The following CRIM1 variants were observed in gnomAD, a reference collection of about 807,000 sequenced individuals.
CRIM1 encodes the protein cysteine rich transmembrane BMP regulator 1.
A neutral mutation model predicts 116.4 loss-of-function variants in CRIM1; 32 were observed. The ratio of observed to expected loss-of-function variants is 0.27; its 90% CI spans 0.21 to 0.37. The LOEUF is 0.37. Among genes scored for constraint, CRIM1 ranks in the 10% least tolerant of loss-of-function variants. The pLI is 1.00. For missense variants in CRIM1, 1,331 were observed against 1,354.8 expected (o/e 0.98, Z 0.28); for synonymous variants, 590 against 509.2 (o/e 1.16, Z -2.13).
intron 1 of CRIM1, among the ~76,000 whole-genome samples, chr2:36,359,415 A>AG (rs1669074078): frequency 6.6e-6 from 1 of 152,160 alleles, no homozygotes; most frequent in African/African-American, 2.4e-5. Flanking sequence ...CTGGCTTTGT[A>AG]GGGGAAAAAA....
Position 36,356,522 on chromosome 2 carries a change from C to T in CRIM1, c.230C>T (p.Thr77Ile), listed in dbSNP as rs767158702. 6 of 1,612,978 alleles carry T rather than the reference C, an allele frequency of 3.7e-6. No homozygotes were observed. The highest frequency in any genetic ancestry group is 1.3e-5 in the African/African-American group (1 of 75,046). The change falls in exon 1 of 17, where the codon ACC becomes ATC. Residue 77 changes from threonine (T) to isoleucine (I), a missense_variant. By Grantham distance (89) the Thr-to-Ile change is moderately conservative (BLOSUM62 -1). Around this residue, in one of 3 missense-constraint regions of CRIM1, gnomAD observed 690 missense variants for 676.0 expected, o/e 1.02. Coordinates refer to ENST00000280527, the MANE Select transcript of CRIM1 (RefSeq NM_016441.3). The surrounding 1 kb of genome is among the most constrained non-coding windows in gnomAD (Gnocchi z 4.3). The stretch of plus-strand genomic sequence containing the variant: ...CAGAGGAACGAGAGCTGCGGCGGCA[C>T]CTTCGGGATTTACGGAACCTGCGAC... ...ASQRNESCGGTFGIYGTCDRG... is the reference protein window; with the variant it reads ...ASQRNESCGGIFGIYGTCDRG...
At chr2:36,383,917 A>G (rs907396692) in intron 1 of CRIM1, among the ~76,000 whole-genome samples, 4 of 152,212 alleles carry the variant, frequency 2.6e-5, no homozygotes, top group African/African-American at 7.2e-5. Flanking sequence ...AGGCCCTACT[A>G]TGTGCTGAGC....
At chr2:36,538,950 G>C (rs968242407) in intron 14 of CRIM1, among the ~76,000 whole-genome samples, 1 of 152,144 alleles carries the variant, frequency 6.6e-6, no homozygotes, top group African/African-American at 2.4e-5. Flanking sequence ...TTTATTTCAC[G>C]AAGAGTCATT....
chr2:36,382,844 A>G (rs1335038129), intron 1 of CRIM1, among the ~76,000 whole-genome samples: 1 of 152,248 alleles, frequency 6.6e-6, no homozygotes, highest in Non-Finnish European at 1.5e-5. Context: ...GCATCTCTGT[A>G]TATTCTAATC....
intron 1 of CRIM1, among the ~76,000 whole-genome samples, chr2:36,370,545 C>G (rs1342429648): frequency 6.6e-6 from 1 of 152,100 alleles, no homozygotes; most frequent in Non-Finnish European, 1.5e-5. Flanking sequence ...TATTTACATG[C>G]TTTAATAACA....
At chr2:36,420,970 T>A (rs1388890065) in intron 2 of CRIM1, among the ~76,000 whole-genome samples, 1 of 152,202 alleles carries the variant, frequency 6.6e-6, no homozygotes, top group Non-Finnish European at 1.5e-5. Flanking sequence ...CCACTGGAGA[T>A]CTGGAAACCC....
At chr2:36,484,795 A>G (rs1050497902) in intron 7 of CRIM1, among the ~76,000 whole-genome samples, 3 of 152,190 alleles carry the variant, frequency 2.0e-5, no homozygotes, top group Non-Finnish European at 1.5e-5. Context: ...AGAACTAGGA[A>G]CAACTTAGGT....
chr2:36,527,097 A>G (rs1665808106), intron 13 of CRIM1, among the ~76,000 whole-genome samples: 1 of 151,868 alleles, frequency 6.6e-6, no homozygotes, highest in Admixed American at 6.6e-5. Flanking sequence ...TTCTTGAGTC[A>G]GTGTATCTTT....
chr2:36,437,780 C>G (rs148585589), intron 2 of CRIM1, among the ~76,000 whole-genome samples: 1 of 152,108 alleles, frequency 6.6e-6, no homozygotes, highest in Non-Finnish European at 1.5e-5. Context: ...TCTTCAGGCT[C>G]GAACTGCAAA....
At chr2:36,493,460 C>T (rs1455803267) in intron 7 of CRIM1, among the ~76,000 whole-genome samples, 1 of 152,096 alleles carries the variant, frequency 6.6e-6, no homozygotes, top group Non-Finnish European at 1.5e-5. Context: ...GTCCTAGAGA[C>T]CATCAGAATC....
intron 1 of CRIM1, among the ~76,000 whole-genome samples, chr2:36,383,447 G>A (rs1288318040): frequency 1.3e-5 from 2 of 152,186 alleles, no homozygotes; most frequent in African/African-American, 4.8e-5. Flanking sequence ...AAACAAACCT[G>A]AAAGTTTGAT....
In CRIM1 at chr2:36,499,331, C is replaced by T. The variant is rs771832173; in HGVS notation, c.1485C>T (p.Thr495=). The change falls in exon 8 of 17, where the codon ACC becomes ACT. Residue 495 remains threonine, a synonymous_variant. Coordinates refer to ENST00000280527, the MANE Select transcript of CRIM1 (RefSeq NM_016441.3). ...GFKRDHNGCR[T]CQCINTEELC... is the part of the protein sequence containing the mutation. ...AACGCGATCACAATGGTTGTCGGAC[C>T]TGTCAGTGCATAAACAGTGAGTAGA... The T allele has an allele frequency of 5.6e-6, 9 of 1,613,932 alleles. No homozygotes were observed. In the Admixed American group the frequency reaches 1.3e-4, roughly 24 times the overall value.
rs1260487343 is a variant in CRIM1, at chr2:36,550,234, A to G, written c.*1533A>G. 1 of 132,176 alleles carries G rather than the reference A, an allele frequency of 7.6e-6. No individual in the cohort carries two copies. The highest frequency in any genetic ancestry group is 1.6e-5 in the Non-Finnish European group (1 of 61,216). 8.2% of individuals were successfully genotyped at this position (132,176 alleles called of 1,614,324 possible). On this transcript the variant is annotated 3_prime_UTR_variant, in exon 17 of 17. Coordinates refer to ENST00000280527, the MANE Select transcript of CRIM1 (RefSeq NM_016441.3). ...ATCTGCATCACTAATCAGCTCCTGG[A>G]TTTTTTTTTTTTTTTTTTCAAACAA...
intron 4 of CRIM1, among the ~76,000 whole-genome samples, chr2:36,459,418 A>G (rs917236507): frequency 1.3e-5 from 2 of 152,230 alleles, no homozygotes; most frequent in Admixed American, 6.5e-5. Flanking sequence ...CTGACTTAGT[A>G]TCCATGAAAA....
intron 4 of CRIM1, among the ~76,000 whole-genome samples, chr2:36,453,056 C>G (rs1212583671): frequency 3.3e-5 from 5 of 152,288 alleles, no homozygotes; most frequent in East Asian, 3.9e-4. Context: ...TGTAAAAGCC[C>G]TACCTGTAAT....
In CRIM1 at chr2:36,356,653, A is replaced by G. The variant is rs765001909; in HGVS notation, c.331+30A>G. The stretch of plus-strand genomic sequence containing the variant: ...GGCCGCCCGCTGCGGGCCCCCTCCC[A>G]CCTGGCCTGCGCCGCCCCCTCGGCG... On this transcript the variant is annotated intron_variant, in intron 1 of 16. Coordinates refer to ENST00000280527, the MANE Select transcript of CRIM1 (RefSeq NM_016441.3). This position sits in a 1 kb window ranked among gnomAD's most constrained non-coding sequence, Gnocchi z 4.3. 5 of 1,585,490 alleles carry G rather than the reference A, an allele frequency of 3.2e-6. No individual in the cohort carries two copies. In the South Asian group the frequency reaches 4.6e-5, roughly 14 times the overall value.
At chr2:36,380,415 C>A (rs371198839) in intron 1 of CRIM1, among the ~76,000 whole-genome samples, 1 of 152,308 alleles carries the variant, frequency 6.6e-6, no homozygotes, top group African/African-American at 2.4e-5. Flanking sequence ...TCCCATCATG[C>A]TGCAGCCCTA....
chr2:36,466,045 G>A (rs1268061115), intron 5 of CRIM1, among the ~76,000 whole-genome samples: 3 of 46,838 alleles, frequency 6.4e-5, no homozygotes, highest in Non-Finnish European at 1.1e-4. Context: ...GCCACCACAC[G>A]CGGCTAATTT....
chr2:36,511,389 C>T (rs924876280), intron 9 of CRIM1, among the ~76,000 whole-genome samples: 5 of 152,006 alleles, frequency 3.3e-5, no homozygotes, highest in Admixed American at 2.6e-4. Flanking sequence ...AACATTGTTC[C>T]GTAAAATTCC....
Sources: gnomAD v4.1 joint callset for allele counts (sites outside exome capture counted in the v4.1 genomes callset) on GRCh38, gnomAD v4.1.1 for gene constraint, gnomAD v4.1.1 regional missense constraint, Gnocchi (gnomAD v3.1) non-coding constraint, MANE v1.5 for transcripts, NCBI Gene and HGNC (gene_info 2026-07-23, HGNC 2026-07-21) for gene names.